Variants in RPH3AL observed in about 807,000 individuals in gnomAD.
RPH3AL encodes rab effector Noc2.
RPH3AL carries 38 observed loss-of-function variants against 43.1 expected under a neutral mutation model. That is an observed-to-expected ratio of 0.88 (90% CI 0.68 to 1.15). The LOEUF is 1.15. Ranked by LOEUF, RPH3AL falls within the 50% of genes most tolerant of loss-of-function variation. RPH3AL has a pLI of 0.00. For synonymous variants in RPH3AL, 189 were observed against 176.3 expected, an observed-to-expected ratio of 1.07 and a Z score of -0.57; for missense variants, 462 against 423.2, an observed-to-expected ratio of 1.09 and a Z score of -0.81.
At chr17:314,467 G>A (rs1356970250) in intron 5 of RPH3AL, among the ~76,000 whole-genome samples, 18 of 103,790 alleles carry the variant, frequency 1.7e-4, no homozygotes, top group Admixed American at 3.9e-4. Flanking sequence ...TAGTCTCTAT[G>A]CCCCCACCTC....
At chr17:282,544 C>A (rs957273494) in intron 5 of RPH3AL, among the ~76,000 whole-genome samples, 2 of 152,142 alleles carry the variant, frequency 1.3e-5, no homozygotes, top group Admixed American at 6.5e-5. Flanking sequence ...CATCGAAGAC[C>A]CCACGCCTGG....
At chr17:285,037 G>A (rs574933475) in intron 5 of RPH3AL, among the ~76,000 whole-genome samples, 9 of 152,258 alleles carry the variant, frequency 5.9e-5, no homozygotes, top group East Asian at 1.9e-4. Flanking sequence ...TCACATCTGC[G>A]TGACGGCTTC....
intron 5 of RPH3AL, among the ~76,000 whole-genome samples, chr17:315,932 C>G (rs980088414): frequency 0.19 from 20,330 of 104,978 alleles, no homozygotes; most frequent in Non-Finnish European, 0.23. Flanking sequence ...CCCTGTGCCC[C>G]CACCTCCATT....
chr17:319,520 C>G lies in RPH3AL; in HGVS notation c.251G>C (p.Arg84Thr). The stretch of plus-strand genomic sequence containing the variant: ...CAGGCCGTTCCCCATCACATTCCGC[C>G]TCATGGTCTCCAGCCGCTCCACCAG... ...GRLVERLETM[R>T]RNVMGNGLSQ... The change falls in exon 5 of 10, where the codon AGG (arginine) becomes ACG (threonine). Residue 84 changes from arginine (R) to threonine (T), a missense_variant. Transcript: ENST00000331302. 6.2e-7 allele frequency: 1 copy of G among 1,612,098 alleles called. No homozygotes were observed. The highest frequency in any genetic ancestry group is 8.5e-7 in the Non-Finnish European group (1 of 1,179,970).
intron 5 of RPH3AL, among the ~76,000 whole-genome samples, chr17:286,451 C>T (rs994970448): frequency 4.0e-5 from 6 of 151,048 alleles, no homozygotes; most frequent in East Asian, 1.9e-4. Context: ...GGGCAGGGGG[C>T]GTTCCTAAGA....
chr17:281,648 T>A, intron 6 of RPH3AL, 120 bp downstream of exon 6: 1 of 650,392 alleles, frequency 1.5e-6, no homozygotes, highest in South Asian at 1.9e-5. Flanking sequence ...CCCATCCCCA[T>A]CTGAGAGCGT....
At chr17:214,501 C>G (rs1475440986) in intron 9 of RPH3AL, among the ~76,000 whole-genome samples, 1 of 152,240 alleles carries the variant, frequency 6.6e-6, no homozygotes, top group Non-Finnish European at 1.5e-5. Context: ...CGCAGTGGCT[C>G]TTGCCTGTAA....
rs76052918 is a variant in RPH3AL at position 284,955 on chromosome 17, C to T, written c.352-3101G>A. 6.0e-4 allele frequency among the ~76,000 whole-genome samples: 91 copies of T among 152,278 alleles called. No homozygotes were observed. In the East Asian group the frequency reaches 7.4e-3, roughly 12 times the overall value. On this transcript the variant is annotated intron_variant, in intron 5 of 9. Coordinates refer to ENST00000331302, the MANE Select transcript of RPH3AL (RefSeq NM_006987.4). ...GTCTGGCCTCCTCCTCTGATAAGGA[C>T]GCCAATCCCATCCCCAGGGTCCCAC... is the stretch of plus-strand genomic sequence containing the variant.
chr17:290,401 C>T lies in RPH3AL; in HGVS notation c.352-8547G>A, dbSNP rs538153649. 1.7e-3 allele frequency among the ~76,000 whole-genome samples: 258 copies of T among 152,180 alleles called. No homozygotes were observed. The highest frequency in any genetic ancestry group is 3.2e-3 in the Non-Finnish European group (216 of 67,992). Reference sequence around the variant, plus strand: ...GGAATCCTTCACTGAGGGTGGGAAGCGGGGATGTTTACCAGACCATTCCCA... The same window carrying T: ...GGAATCCTTCACTGAGGGTGGGAAGTGGGGATGTTTACCAGACCATTCCCA... On this transcript the variant is annotated intron_variant, in intron 5 of 9. Coordinates refer to ENST00000331302, the MANE Select transcript of RPH3AL (RefSeq NM_006987.4). This position sits in a 1 kb window ranked among gnomAD's most constrained non-coding sequence, Gnocchi z 4.2.
At chr17:309,795 C>T (rs1032456052) in intron 5 of RPH3AL, among the ~76,000 whole-genome samples, 6 of 152,132 alleles carry the variant, frequency 3.9e-5, no homozygotes, top group African/African-American at 1.2e-4. Context: ...CGGGATGACT[C>T]TCAGCAGGAC....
chr17:331,638 G>A (rs868049835), intron 2 of RPH3AL: 34 of 1,288,116 alleles, frequency 2.6e-5, no homozygotes, highest in East Asian at 1.1e-4. Flanking sequence ...TCCAAACCTC[G>A]TCAGCATGCA....
In RPH3AL at chr17:215,952, C is replaced by T. The variant is rs2040790306; in HGVS notation, c.728-150G>A. ...CCAGGCTCTGGCCTGACCTCACCCACATGGCTGCCGGGCTCTGGCCTGACC... is the reference window on the plus strand; with the variant it reads ...CCAGGCTCTGGCCTGACCTCACCCATATGGCTGCCGGGCTCTGGCCTGACC... On this transcript the variant is annotated intron_variant, in intron 8 of 9. Transcript: ENST00000331302. The surrounding 1 kb of genome is among the most constrained non-coding windows in gnomAD (Gnocchi z 4.1). 1 of 600,288 alleles carries T rather than the reference C, an allele frequency of 1.7e-6. No homozygotes were observed. The highest frequency in any genetic ancestry group is 2.0e-5 in the African/African-American group (1 of 51,120). The allele number at this position is 600,288 out of a possible 1,614,324, so 37.2% of individuals were successfully genotyped here. A position where few individuals can be genotyped will look rare whatever the true frequency, so the allele number is the denominator to read the frequency against.
At position 289,586 on chromosome 17, in the gene RPH3AL, C is replaced by T. The variant is rs2042998934; in HGVS notation, c.352-7732G>A. Among the ~76,000 whole-genome samples the T allele has an allele frequency of 6.6e-6, 1 of 152,192 alleles. No individual in the cohort carries two copies. The highest frequency in any genetic ancestry group is 1.5e-5 in the Non-Finnish European group (1 of 68,038). On this transcript the variant is annotated intron_variant, in intron 5 of 9. Coordinates refer to ENST00000331302, the MANE Select transcript of RPH3AL (RefSeq NM_006987.4). This position sits in a 1 kb window ranked among gnomAD's most constrained non-coding sequence, Gnocchi z 5.2. Reference sequence around the variant, plus strand: ...TAATCATGTCACCTCTCCCATCCCTCCCAACTTAAAAGCCATCAGAGGCTT... The same window carrying T: ...TAATCATGTCACCTCTCCCATCCCTTCCAACTTAAAAGCCATCAGAGGCTT...
At chr17:257,572 T>A (rs1172614544) in intron 6 of RPH3AL, among the ~76,000 whole-genome samples, 19 of 36,954 alleles carry the variant, frequency 5.1e-4, no homozygotes, top group South Asian at 2.8e-3. Flanking sequence ...GTGACTACCC[T>A]ACGTACTTCC....
chr17:276,696 C>T (rs1399235061), intron 6 of RPH3AL, among the ~76,000 whole-genome samples: 1 of 152,134 alleles, frequency 6.6e-6, no homozygotes, highest in Non-Finnish European at 1.5e-5. Context: ...CCTGGCCTCT[C>T]TTATATCTTT....
At chr17:235,525 AGGCTCCACACTAACAAGACGGG>A (rs2041354923) in intron 7 of RPH3AL, among the ~76,000 whole-genome samples, 1 of 139,268 alleles carries the variant, frequency 7.2e-6, no homozygotes, top group African/African-American at 2.6e-5. Context: ...GGGTCGGCGG[AGGCTCCACACTAACAAGACGGG>A]TCCCGGGTTC....
chr17:351,119 C>T (rs73286643), intron 1 of RPH3AL, among the ~76,000 whole-genome samples: 3,508 of 152,232 alleles, frequency 0.023, 135 homozygotes, highest in African/African-American at 0.079. Context: ...TCAGCTTGTC[C>T]ACCTCCGACC....
At chr17:260,193 T>G (rs1363054682) in intron 6 of RPH3AL, among the ~76,000 whole-genome samples, 3 of 151,944 alleles carry the variant, frequency 2.0e-5, no homozygotes, top group Admixed American at 6.6e-5. Context: ...CCCCCTGGAG[T>G]GCCTTTCATC....
chr17:278,581 T>C (rs930746857), intron 6 of RPH3AL, among the ~76,000 whole-genome samples: 1 of 152,124 alleles, frequency 6.6e-6, no homozygotes, highest in Non-Finnish European at 1.5e-5. Flanking sequence ...CAGATCTCCA[T>C]TCAAAAGTCA....
Sources: gnomAD v4.1 joint callset for allele counts (sites outside exome capture counted in the v4.1 genomes callset) on GRCh38, gnomAD v4.1.1 for gene constraint, Gnocchi (gnomAD v3.1) non-coding constraint, MANE v1.5 for transcripts, NCBI Gene and HGNC (gene_info 2026-07-23, HGNC 2026-07-21) for gene names.